Variants in RBM27 observed in about 807,000 individuals in gnomAD.
RBM27 encodes the protein RNA-binding protein 27.
Under a neutral mutation model 135.3 loss-of-function variants are expected in RBM27, and 22 were observed. The observed-to-expected ratio is 0.16, with a 90% CI of 0.12 to 0.23. RBM27 has a LOEUF of 0.23. Among genes scored for constraint, RBM27 ranks in the 10% least tolerant of loss-of-function variants. The pLI is 1.00. For missense variants in RBM27, 1,009 were observed against 1,281.0 expected (o/e 0.79, Z 3.24); for synonymous variants, 481 against 442.4 (o/e 1.09, Z -1.10).
chr5:146,208,526 C>T (rs1210805607), intron 1 of RBM27, among the ~76,000 whole-genome samples: 1 of 152,142 alleles, frequency 6.6e-6, no homozygotes, highest in African/African-American at 2.4e-5. Context: ...TGTCTCTTTC[C>T]CTACAGCTGC....
At chr5:146,256,475 G>A (rs557691136) in intron 10 of RBM27, among the ~76,000 whole-genome samples, 54 of 151,336 alleles carry the variant, frequency 3.6e-4, no homozygotes, top group African/African-American at 1.3e-3. Context: ...TCAGCCTCCT[G>A]AGTAGCTGGG....
chr5:146,238,760 G>A (rs556976589), intron 8 of RBM27, among the ~76,000 whole-genome samples: 35 of 148,234 alleles, frequency 2.4e-4, no homozygotes, highest in African/African-American at 8.7e-4. Flanking sequence ...AAACATTTCT[G>A]TATCTCTTTG....
chr5:146,249,370 T>C (rs1757779963), intron 8 of RBM27, among the ~76,000 whole-genome samples: 1 of 152,080 alleles, frequency 6.6e-6, no homozygotes, highest in Non-Finnish European at 1.5e-5. Context: ...TGCTTACAAC[T>C]ATTTGTTCCC....
At chr5:146,250,526 G>A (rs1030053379) in intron 8 of RBM27, among the ~76,000 whole-genome samples, 1 of 151,616 alleles carries the variant, frequency 6.6e-6, no homozygotes, top group Non-Finnish European at 1.5e-5. Context: ...ATATAAATAT[G>A]TCTCAAATGG....
intron 7 of RBM27, among the ~76,000 whole-genome samples, chr5:146,236,825 C>T (rs554340802): frequency 3.2e-4 from 49 of 151,258 alleles, no homozygotes; most frequent in African/African-American, 1.0e-3. Flanking sequence ...GGTTTCACCA[C>T]GTTGGCCAAG....
intron 1 of RBM27, among the ~76,000 whole-genome samples, chr5:146,210,454 A>G (rs1036539470): frequency 6.6e-6 from 1 of 152,126 alleles, no homozygotes; most frequent in Non-Finnish European, 1.5e-5. Context: ...GGGGAAGATG[A>G]AAGTACTATG....
In RBM27 at chr5:146,288,053, T is replaced by G. The variant is rs1759652255; in HGVS notation, c.*2023T>G. ...TTAAACTGTATAATTTTGTAAATAA[T>G]TTGTTTGGGTTTTTTTTTTGTGTAC... On this transcript the variant is annotated 3_prime_UTR_variant, in exon 21 of 21. Transcript: ENST00000265271. The G allele has an allele frequency of 6.6e-6, 1 of 151,768 alleles. No homozygotes were observed. The highest frequency in any genetic ancestry group is 6.6e-5 in the Admixed American group (1 of 15,244). 9.4% of individuals were successfully genotyped at this position (151,768 alleles called of 1,614,324 possible). A position where few individuals can be genotyped will look rare whatever the true frequency, so the allele number is the denominator to read the frequency against.
At chr5:146,215,119 G>A (rs981644234) in intron 1 of RBM27, among the ~76,000 whole-genome samples, 31 of 152,000 alleles carry the variant, frequency 2.0e-4, no homozygotes, top group African/African-American at 6.8e-4. Context: ...GCGTGATCTC[G>A]GCTTGCTGCA....
chr5:146,274,238 G>A (rs1417032602), intron 19 of RBM27, among the ~76,000 whole-genome samples: 1 of 150,130 alleles, frequency 6.7e-6, no homozygotes, highest in African/African-American at 2.5e-5. Context: ...TTTTTTAATA[G>A]GTGGTTATCT....
Position 146,235,681 on chromosome 5 carries a change from T to TC in RBM27, c.1145-1616dup, listed in dbSNP as rs371216298. 8.5e-5 allele frequency among the ~76,000 whole-genome samples: 13 copies of TC among 152,250 alleles called. No individual in the cohort carries two copies. The East Asian group carries it at 2.1e-3, about 25-fold the overall frequency. Reference sequence around the variant, plus strand: ...AACTTAGCATTTGTGATTTTTTTTTTCTTTTATTTTCTTTTTGAGACAAGA... The same window carrying TC: ...AACTTAGCATTTGTGATTTTTTTTTTCCTTTTATTTTCTTTTTGAGACAAGA... On this transcript the variant is annotated intron_variant, in intron 7 of 20. Coordinates refer to ENST00000265271, the MANE Select transcript of RBM27 (RefSeq NM_018989.2).
At chr5:146,209,881 A>T (rs1462996486) in intron 1 of RBM27, among the ~76,000 whole-genome samples, 1 of 152,180 alleles carries the variant, frequency 6.6e-6, no homozygotes, top group Non-Finnish European at 1.5e-5. Context: ...CTACTAACTT[A>T]AGAACATATT....
chr5:146,249,238 C>T (rs1032673803), intron 8 of RBM27, among the ~76,000 whole-genome samples: 1 of 152,088 alleles, frequency 6.6e-6, no homozygotes, highest in African/African-American at 2.4e-5. Flanking sequence ...ACACCTTGGC[C>T]TCCCAAATTG....
At position 146,288,166 on chromosome 5, in the gene RBM27, A is replaced by G. The variant is rs1207283106; in HGVS notation, c.*2136A>G. ...ATTACAGTAAATAAATGGAACTCTA[A>G]GAAAAATTTCAGTAGACAGTTCAAC... On this transcript the variant is annotated 3_prime_UTR_variant, in exon 21 of 21. Coordinates refer to ENST00000265271, the MANE Select transcript of RBM27 (RefSeq NM_018989.2). 1 of 152,092 alleles carries G rather than the reference A, an allele frequency of 6.6e-6. No individual in the cohort carries two copies. The highest frequency in any genetic ancestry group is 1.5e-5 in the Non-Finnish European group (1 of 67,972). 9.4% of individuals were successfully genotyped at this position (152,092 alleles called of 1,614,324 possible).
At chr5:146,280,569 CAGTA>C (rs1759298144) in intron 19 of RBM27, among the ~76,000 whole-genome samples, 1 of 152,206 alleles carries the variant, frequency 6.6e-6, no homozygotes, top group Admixed American at 6.5e-5. Context: ...CTTCTCAGAG[CAGTA>C]ACTGTTAGCC....
chr5:146,242,739 A>G (rs547601487), intron 8 of RBM27, among the ~76,000 whole-genome samples: 1 of 152,082 alleles, frequency 6.6e-6, no homozygotes, highest in Non-Finnish European at 1.5e-5. Context: ...GATTACAGGC[A>G]CATGCCACCA....
chr5:146,218,934 G>A (rs753784877), intron 1 of RBM27, 51 bp from the exon 2 acceptor site: 14 of 1,201,942 alleles, frequency 1.2e-5, no homozygotes, highest in Admixed American at 2.2e-5. Context: ...TAACACTACT[G>A]TTTGATAAAA....
chr5:146,259,581 G>T (rs1758284210), intron 11 of RBM27, among the ~76,000 whole-genome samples: 1 of 150,848 alleles, frequency 6.6e-6, no homozygotes, highest in South Asian at 2.1e-4. Context: ...AATTGTGGTA[G>T]ATCTTTATGG....
intron 1 of RBM27, among the ~76,000 whole-genome samples, chr5:146,204,272 T>G (rs137953770): frequency 6.6e-6 from 1 of 152,222 alleles, no homozygotes; most frequent in East Asian, 1.9e-4. Flanking sequence ...AAGCAAAATA[T>G]CGAGGGCATT....
intron 11 of RBM27, among the ~76,000 whole-genome samples, chr5:146,259,841 C>T (rs1046279737): frequency 4.0e-5 from 6 of 150,460 alleles, no homozygotes; most frequent in Middle Eastern, 3.4e-3. Flanking sequence ...GGCGCAGTGG[C>T]GGGCGCCTGT....
Sources: gnomAD v4.1 joint callset for allele counts (sites outside exome capture counted in the v4.1 genomes callset) on GRCh38, gnomAD v4.1.1 for gene constraint, MANE v1.5 for transcripts, NCBI Gene and HGNC (gene_info 2026-07-23, HGNC 2026-07-21) for gene names.